SORCS2: variants seen among roughly 807,000 people sequenced by gnomAD.
The protein encoded by SORCS2 is VPS10 domain-containing receptor SorCS2.
Under a neutral mutation model 141.6 loss-of-function variants are expected in SORCS2, and 100 were observed. The observed-to-expected ratio is 0.71, with a 90% CI of 0.60 to 0.83. The LOEUF (loss-of-function observed/expected upper bound fraction) is 0.83. Ranked by LOEUF, SORCS2 falls within the 40% of genes least tolerant of loss-of-function variation. The pLI, the probability that SORCS2 is intolerant of heterozygous loss-of-function variation, is 0.00. For missense variants in SORCS2, 1,646 were observed against 1,560.2 expected, an observed-to-expected ratio of 1.05 and a Z score of -0.93; for synonymous variants, 789 against 676.9, an observed-to-expected ratio of 1.17 and a Z score of -2.57.
chr4:7,721,858 C>T (rs1178780534), intron 18 of SORCS2, among the ~76,000 whole-genome samples: 4 of 152,194 alleles, frequency 2.6e-5, no homozygotes, highest in East Asian at 3.8e-4. Flanking sequence ...CGTACAACTA[C>T]ATAGGAGCCT....
intron 25 of SORCS2, among the ~76,000 whole-genome samples, 187 bp from the exon 26 acceptor site, chr4:7,736,882 C>T (rs189387826): frequency 3.3e-5 from 5 of 152,276 alleles, no homozygotes; most frequent in Admixed American, 3.3e-4. Flanking sequence ...GGGAGGGCTT[C>T]CTGGAGGAAG....
intron 2 of SORCS2, among the ~76,000 whole-genome samples, chr4:7,525,029 C>A (rs1006794394): frequency 1.3e-5 from 2 of 152,230 alleles, no homozygotes; most frequent in Admixed American, 1.3e-4. Context: ...GGACACAGCG[C>A]GGGGAGAGGC....
chr4:7,475,884 A>G (rs1730261575), intron 2 of SORCS2, among the ~76,000 whole-genome samples: 1 of 152,196 alleles, frequency 6.6e-6, no homozygotes, highest in South Asian at 2.1e-4. Context: ...TCTGAAGGAC[A>G]CTGGGTTCTT....
chr4:7,697,361 TC>T, intron 12 of SORCS2, 87 bp downstream of exon 12: 1 of 1,170,218 alleles, frequency 8.5e-7, no homozygotes, highest in Non-Finnish European at 1.2e-6. Context: ...TCCCGTCCAT[TC>T]CAGAGGCTCT....
In SORCS2 at chr4:7,714,281, A is replaced by G. The variant is rs1726037194; in HGVS notation, c.2031A>G (p.Lys677=). 1 of 1,609,918 alleles carries G rather than the reference A, an allele frequency of 6.2e-7. No homozygotes were observed. Among genetic ancestry groups the G allele is most frequent in the South Asian group, 1.1e-5 (1 of 89,552 alleles). The change falls in exon 16 of 27, where the codon AAA becomes AAG. Residue 677 remains lysine (K), a synonymous_variant. Transcript: ENST00000507866. The stretch of plus-strand genomic sequence containing the variant: ...TGGGCCAGCAGAGAAGTTTCCGGAA[A>G]AGAAAGTCCACGTCCTGGTGCATCA... ...CIMGQQRSFR[K]RKSTSWCIKG...
chr4:7,607,541 A>T (rs1718140146), intron 3 of SORCS2, among the ~76,000 whole-genome samples: 1 of 152,116 alleles, frequency 6.6e-6, no homozygotes, highest in African/African-American at 2.4e-5. Flanking sequence ...TCTCATCCTT[A>T]CAACAGCCCT....
chr4:7,724,402 TAGTA>T (rs2148878681), intron 19 of SORCS2, among the ~76,000 whole-genome samples: 1 of 134,970 alleles, frequency 7.4e-6, no homozygotes, highest in East Asian at 2.2e-4. Flanking sequence ...GTGATGGTGA[TAGTA>T]GTGGTGGGAA....
intron 3 of SORCS2, among the ~76,000 whole-genome samples, chr4:7,573,614 C>G (rs905536294): frequency 6.6e-6 from 1 of 152,134 alleles, no homozygotes; most frequent in Non-Finnish European, 1.5e-5. Flanking sequence ...GCCTCCCAGG[C>G]TCAAGTGATT....
chr4:7,239,611 C>A (rs1197598163), intron 1 of SORCS2, among the ~76,000 whole-genome samples: 1 of 152,164 alleles, frequency 6.6e-6, no homozygotes, highest in African/African-American at 2.4e-5. Context: ...GCTAAAACAG[C>A]CCCTGGGGAG....
At chr4:7,305,221 T>C (rs371903201) in intron 1 of SORCS2, among the ~76,000 whole-genome samples, 166 of 152,182 alleles carry the variant, frequency 1.1e-3, no homozygotes, top group African/African-American at 2.9e-3. Flanking sequence ...TTAGTAGAGA[T>C]GGGGTTTCAC....
At chr4:7,726,697 G>C in intron 20 of SORCS2, 83 bp from the exon 21 acceptor site, 1 of 1,535,752 alleles carries the variant, frequency 6.5e-7, no homozygotes, top group South Asian at 1.2e-5. Context: ...AATGCTCTCA[G>C]TGAGGCAGCG....
At chr4:7,630,654 A>C (rs559743217) in intron 3 of SORCS2, among the ~76,000 whole-genome samples, 1 of 152,308 alleles carries the variant, frequency 6.6e-6, no homozygotes, top group African/African-American at 2.4e-5. Flanking sequence ...CCACAGGGGA[A>C]GCGCCGGGTG....
intron 3 of SORCS2, among the ~76,000 whole-genome samples, chr4:7,534,259 G>T (rs1014915184): frequency 6.6e-6 from 1 of 152,204 alleles, no homozygotes; most frequent in South Asian, 2.1e-4. Flanking sequence ...GCAGACACTG[G>T]ATTTGCAGGG....
At chr4:7,246,573 G>A (rs534797538) in intron 1 of SORCS2, among the ~76,000 whole-genome samples, 1 of 152,214 alleles carries the variant, frequency 6.6e-6, no homozygotes, top group Admixed American at 6.5e-5. Flanking sequence ...CACAGATCTT[G>A]TCTGTGGCTC....
At chr4:7,478,732 C>T (rs545345996) in intron 2 of SORCS2, among the ~76,000 whole-genome samples, 1 of 152,290 alleles carries the variant, frequency 6.6e-6, no homozygotes, top group East Asian at 1.9e-4. Context: ...GTGTCTATAA[C>T]ATGGAGACAG....
chr4:7,388,796 T>C (rs1723661969), intron 1 of SORCS2, among the ~76,000 whole-genome samples: 1 of 152,176 alleles, frequency 6.6e-6, no homozygotes, highest in Non-Finnish European at 1.5e-5. Flanking sequence ...GTCCTTCCCA[T>C]CCACACAGGT....
chr4:7,405,882 C>T (rs756410065), intron 2 of SORCS2, among the ~76,000 whole-genome samples: 8 of 152,008 alleles, frequency 5.3e-5, no homozygotes, highest in East Asian at 3.8e-4. Context: ...ATGTTGAATA[C>T]GAGTGGTGAA....
At chr4:7,729,531 A>G (rs1727458381) in intron 22 of SORCS2, 56 bp from the exon 23 acceptor site, 12 of 1,541,020 alleles carry the variant, frequency 7.8e-6, no homozygotes, top group Non-Finnish European at 1.1e-5. Context: ...GGGCCCCAGT[A>G]TGAGGCAGGG....
intron 1 of SORCS2, among the ~76,000 whole-genome samples, chr4:7,215,758 C>G (rs1454839300): frequency 5.3e-5 from 8 of 152,220 alleles, no homozygotes; most frequent in African/African-American, 1.9e-4. Context: ...TCTAGCTGCT[C>G]TGGTGGGGTC....
Sources: allele counts gnomAD v4.1 joint callset (sites outside exome capture counted in the v4.1 genomes callset), GRCh38; gene constraint gnomAD v4.1.1; transcripts MANE v1.5; gene names NCBI Gene and HGNC (gene_info 2026-07-23, HGNC 2026-07-21).